The following POU2F3 variants were observed in gnomAD, a reference collection of about 807,000 sequenced individuals.
The protein encoded by POU2F3 is POU class 2 homeobox 3.
In POU2F3, 23 loss-of-function variants were observed where a neutral mutation model predicts 59.2. The ratio of observed to expected loss-of-function variants is 0.39; its 90% CI spans 0.28 to 0.55. POU2F3 has a LOEUF of 0.55. POU2F3 is among the 20% of genes least tolerant of loss of function. The pLI, the probability that POU2F3 is intolerant of heterozygous loss-of-function variation, is 0.66. For missense variants in POU2F3, 473 were observed against 544.5 expected (o/e 0.87, Z 1.31); for synonymous variants, 190 against 214.6 (o/e 0.89, Z 1.00).
intron 3 of POU2F3, among the ~76,000 whole-genome samples, chr11:120,274,108 AAAGGAAGGAAGGAAGGAAGGAAGG>A (rs58202053): frequency 1.7e-5 from 2 of 116,156 alleles, no homozygotes; most frequent in African/African-American, 3.5e-5. Flanking sequence ...AGGAAGGAAG[AAAGGAAGGAAGGAAGGAAGGAAGG>A]AAGGAAGGAA....
chr11:120,290,415 A>ACAGAAGAGG (rs971434686), intron 3 of POU2F3, among the ~76,000 whole-genome samples: 2 of 152,214 alleles, frequency 1.3e-5, no homozygotes, highest in African/African-American at 4.8e-5. Flanking sequence ...AATGTAGTAC[A>ACAGAAGAGG]CAGAAGAGGC....
In POU2F3 at chr11:120,318,044, C is replaced by T. The variant is rs1459687392; in HGVS notation, c.1272-309C>T. Among the ~76,000 whole-genome samples, 4 of 152,082 alleles carry T rather than the reference C, an allele frequency of 2.6e-5. No individual in the cohort carries two copies. The South Asian group carries it at 6.2e-4, about 24-fold the overall frequency. ...CTTATTGGCCAATTGTTGCATAGCC[C>T]GAAACGTTGGCGCTCCTCACCTACC... is the stretch of plus-strand genomic sequence containing the variant. On this transcript the variant is annotated intron_variant, in intron 12 of 12. Transcript: ENST00000543440.
At chr11:120,262,599 C>A (rs1192696463) in intron 2 of POU2F3, among the ~76,000 whole-genome samples, 1 of 152,228 alleles carries the variant, frequency 6.6e-6, no homozygotes, top group Non-Finnish European at 1.5e-5. Context: ...ATTCTCACAG[C>A]AATTTTGATG....
chr11:120,257,239 T>A (rs2135158744), intron 2 of POU2F3, among the ~76,000 whole-genome samples: 1 of 152,290 alleles, frequency 6.6e-6, no homozygotes, highest in Non-Finnish European at 1.5e-5. Flanking sequence ...GGGGGATGAT[T>A]TTCCCAAGGT....
upstream of POU2F3, chr11:120,236,722 T>C (rs181346546): frequency 2.6e-5 from 39 of 1,472,718 alleles, no homozygotes; most frequent in East Asian, 5.9e-4. Flanking sequence ...AGGAGTTCTC[T>C]ACGTTCCCAT....
chr11:120,261,332 G>A (rs1939596275), intron 2 of POU2F3: 2 of 152,144 alleles, frequency 1.3e-5, no homozygotes, highest in Non-Finnish European at 2.9e-5. Context: ...GTAAAATGAG[G>A]TGAATAATAA....
Position 120,298,179 on chromosome 11 carries a change from T to G in POU2F3, c.133-86T>G. 4 of 1,481,760 alleles carry G rather than the reference T, an allele frequency of 2.7e-6. No individual in the cohort carries two copies. The South Asian group carries it at 5.1e-5, about 19-fold the overall frequency. 91.8% of individuals were successfully genotyped at this position (1,481,760 alleles called of 1,614,324 possible). On this transcript the variant is annotated intron_variant, in intron 3 of 12. Coordinates refer to ENST00000543440, the MANE Select transcript of POU2F3 (RefSeq NM_014352.4). ...TCTCCTCTCTAGGCTGGTCACTCCT[T>G]TCCTGCCTGGATCTTCCTGCCATTT... is the stretch of plus-strand genomic sequence containing the variant.
chr11:120,276,798 T>G (rs1940346392), intron 3 of POU2F3, among the ~76,000 whole-genome samples: 1 of 152,118 alleles, frequency 6.6e-6, no homozygotes, highest in Non-Finnish European at 1.5e-5. Context: ...AAGACCTCAC[T>G]GCAGAATTAA....
At chr11:120,241,452 A>G (rs1010488018) in intron 1 of POU2F3, among the ~76,000 whole-genome samples, 2 of 152,176 alleles carry the variant, frequency 1.3e-5, no homozygotes, top group Admixed American at 6.5e-5. Flanking sequence ...AGTTCCCCAG[A>G]TGCTGTTTCC....
chr11:120,285,830 T>C lies in POU2F3; in HGVS notation c.133-12435T>C, dbSNP rs572606532. 1.3e-5 allele frequency among the ~76,000 whole-genome samples: 2 copies of C among 152,340 alleles called. No individual in the cohort carries two copies. The highest frequency in any genetic ancestry group is 4.8e-5 in the African/African-American group (2 of 41,582). The stretch of plus-strand genomic sequence containing the variant: ...TTATAGGTTGTTTCATGGCAGTACA[T>C]AGAGAGTTATATGATTTTTGTTAAT... On this transcript the variant is annotated intron_variant, in intron 3 of 12. Coordinates refer to ENST00000543440, the MANE Select transcript of POU2F3 (RefSeq NM_014352.4). The surrounding 1 kb of genome is among the most constrained non-coding windows in gnomAD (Gnocchi z 4.3).
intron 3 of POU2F3, among the ~76,000 whole-genome samples, chr11:120,272,729 G>A (rs927938934): frequency 6.6e-6 from 1 of 152,158 alleles, no homozygotes; most frequent in Non-Finnish European, 1.5e-5. Context: ...GTCTGTCTGG[G>A]GGAAAAGGGT....
chr11:120,287,180 G>A (rs1280222098), intron 3 of POU2F3, among the ~76,000 whole-genome samples: 1 of 152,172 alleles, frequency 6.6e-6, no homozygotes, highest in Admixed American at 6.5e-5. Context: ...CACATGATAT[G>A]GTGGAAAGAG....
At chr11:120,289,980 C>T (rs1311559038) in intron 3 of POU2F3, among the ~76,000 whole-genome samples, 2 of 152,148 alleles carry the variant, frequency 1.3e-5, no homozygotes, top group Non-Finnish European at 2.9e-5. Flanking sequence ...ACAGTAGGTG[C>T]TTGGTAAATG....
intron 5 of POU2F3, chr11:120,301,024 C>A (rs1040863287): frequency 2.2e-6 from 1 of 455,946 alleles, no homozygotes; most frequent in South Asian, 1.6e-5. Flanking sequence ...GGGAAGGTAA[C>A]AGTTTAATTT....
chr11:120,265,585 G>A (rs574177801), intron 2 of POU2F3: 2 of 152,314 alleles, frequency 1.3e-5, no homozygotes, highest in South Asian at 4.2e-4. Context: ...CCAAACTTCC[G>A]GGCAACAGAA....
chr11:120,307,423 G>T, intron 8 of POU2F3, 56 bp from the exon 9 acceptor site: 1 of 1,591,978 alleles, frequency 6.3e-7, no homozygotes, highest in Non-Finnish European at 8.6e-7. Context: ...ATCCATGAAG[G>T]CACCGGCCAC....
intron 6 of POU2F3, 142 bp downstream of exon 6, chr11:120,302,510 G>A (rs1941376929): frequency 1.4e-6 from 1 of 711,624 alleles, no homozygotes; most frequent in South Asian, 2.3e-5. Flanking sequence ...CATTGGCACA[G>A]GGGAAATCCA....
intron 3 of POU2F3, among the ~76,000 whole-genome samples, chr11:120,286,529 C>T (rs527471639): frequency 6.6e-6 from 1 of 152,292 alleles, no homozygotes; most frequent in African/African-American, 2.4e-5. Context: ...GCAAATAAGG[C>T]AGTAATGGGG....
rs777939631 is a variant in POU2F3, at chr11:120,246,513, G to A, written c.93G>A (p.Glu31=). ...TDARSTLSQV[E]PGNDRNGLDF... ...CTCGCAGCACTCTCAGCCAGGTGGA[G>A]CCAGGTAAGGGTCTTCTCTTCTCGG... The change falls in exon 2 of 13, where the codon GAG becomes GAA. Residue 31 remains glutamate, a synonymous_variant. Transcript: ENST00000543440. 6.2e-7 allele frequency: 1 copy of A among 1,613,704 alleles called. No individual in the cohort carries two copies. Among genetic ancestry groups the A allele is most frequent in the Non-Finnish European group, 8.5e-7 (1 of 1,180,000 alleles).
Sources: gnomAD v4.1 joint callset for allele counts (sites outside exome capture counted in the v4.1 genomes callset) on GRCh38, gnomAD v4.1.1 for gene constraint, Gnocchi (gnomAD v3.1) non-coding constraint, MANE v1.5 for transcripts, NCBI Gene and HGNC (gene_info 2026-07-23, HGNC 2026-07-21) for gene names.